PRDM2: variants seen among roughly 807,000 people sequenced by gnomAD.
The protein encoded by PRDM2 is PR/SET domain 2.
PRDM2 carries 30 observed loss-of-function variants against 130.0 expected under a neutral mutation model. The observed-to-expected ratio is 0.23, with a 90% CI of 0.17 to 0.31. The LOEUF (loss-of-function observed/expected upper bound fraction) is 0.31, where lower values mean the gene tolerates loss of function less well. Among genes scored for constraint, PRDM2 ranks in the 10% least tolerant of loss-of-function variants. The pLI is 1.00. For missense variants in PRDM2, 2,011 were observed against 2,108.4 expected (o/e 0.95, Z 0.90); for synonymous variants, 871 against 782.4 (o/e 1.11, Z -1.89).
intron 2 of PRDM2, among the ~76,000 whole-genome samples, chr1:13,726,077 G>C (rs942231836): frequency 2.6e-5 from 4 of 152,202 alleles, no homozygotes; most frequent in Non-Finnish European, 5.9e-5. Context: ...CTGTAACGTG[G>C]AGATCATAGA....
chr1:13,787,412 C>G, intron 8 of PRDM2: 1 of 984,436 alleles, frequency 1.0e-6, no homozygotes, highest in Non-Finnish European at 1.2e-6. Context: ...CATTTTATGC[C>G]TCCCCCTAAA....
At chr1:13,703,607 A>G (rs1642128293) in intron 1 of PRDM2, among the ~76,000 whole-genome samples, 1 of 152,244 alleles carries the variant, frequency 6.6e-6, no homozygotes, top group Non-Finnish European at 1.5e-5. Flanking sequence ...AGGTAAAACA[A>G]TGTGAGGTAT....
chr1:13,707,756 A>C (rs1242540300), intron 1 of PRDM2, among the ~76,000 whole-genome samples: 2 of 152,080 alleles, frequency 1.3e-5, no homozygotes, highest in Non-Finnish European at 1.5e-5. Flanking sequence ...AAGGAAATTA[A>C]CATTTTAATT....
intron 6 of PRDM2, among the ~76,000 whole-genome samples, chr1:13,767,480 T>TA (rs1644255123): frequency 2.0e-5 from 3 of 151,462 alleles, no homozygotes; most frequent in Non-Finnish European, 2.9e-5. Context: ...TTTTTTTTTT[T>TA]TTTTGGTAGA....
chr1:13,736,590 GATTA>G (rs1353914258), intron 4 of PRDM2, among the ~76,000 whole-genome samples: 5 of 104,862 alleles, frequency 4.8e-5, no homozygotes, highest in Middle Eastern at 4.7e-3. Context: ...TGACTTGTCT[GATTA>G]TTTCCTTAAG....
Position 13,780,099 on chromosome 1 carries a change from G to A in PRDM2, c.2304G>A (p.Leu768=). 1 of 1,612,358 alleles carries A rather than the reference G, an allele frequency of 6.2e-7. No individual in the cohort carries two copies. Among genetic ancestry groups the A allele is most frequent in the Non-Finnish European group, 8.5e-7 (1 of 1,178,910 alleles). ...DGKAAWTDAG[L]TSKKSKLESH... ...AAGCAGCATGGACCGATGCCGGGCT[G>A]ACTTCCAAAAAATCCAAATTAGAAA... Residue 768 remains leucine (L), a synonymous_variant, in exon 8 of 10, where the codon CTG becomes CTA. Transcript: ENST00000311066.
At position 13,781,416 on chromosome 1, in the gene PRDM2, G is replaced by C; in HGVS notation, c.3621G>C (p.Gln1207His). 1 of 1,525,970 alleles carries C rather than the reference G, an allele frequency of 6.6e-7. No individual in the cohort carries two copies. 94.5% of individuals were successfully genotyped at this position (1,525,970 alleles called of 1,614,324 possible). ...KKEFAFLCNL[Q>H]QHQRDLHPDK... Reference sequence around the variant, plus strand: ...AATTTGCTTTTTTGTGCAATTTGCAGCAGCACCAGCGAGATCTCCACCCAG... The same window carrying C: ...AATTTGCTTTTTTGTGCAATTTGCACCAGCACCAGCGAGATCTCCACCCAG... Residue 1207 changes from glutamine to histidine, a missense_variant, in exon 8 of 10, where the codon CAG (glutamine) becomes CAC (histidine). Physicochemically the swap from Gln to His is conservative, Grantham distance 24. Transcript: ENST00000311066. The surrounding 1 kb of genome is among the most constrained non-coding windows in gnomAD (Gnocchi z 6.1).
chr1:13,746,468 G>T lies in PRDM2; in HGVS notation c.385-2893G>T, dbSNP rs578138145. ...AATATAAAGTTGCGAAGCATATATC[G>T]CTCCGTAATATAACCATTTCAAGTT... is the stretch of plus-strand genomic sequence containing the variant. On this transcript the variant is annotated intron_variant, in intron 5 of 9. Coordinates refer to ENST00000311066, the MANE Select transcript of PRDM2 (RefSeq NM_001393986.1). 9.2e-4 allele frequency among the ~76,000 whole-genome samples: 139 copies of T among 151,472 alleles called. 1 individual carries two copies. Among genetic ancestry groups the T allele is most frequent in the African/African-American group, 3.3e-3 (135 of 41,384 alleles).
At chr1:13,723,721 A>G (rs557994425) in intron 2 of PRDM2, among the ~76,000 whole-genome samples, 165 of 152,234 alleles carry the variant, frequency 1.1e-3, no homozygotes, top group African/African-American at 3.8e-3. Flanking sequence ...TCTGCTTTCC[A>G]TCGAGGATTC....
At chr1:13,783,239 C>A (rs780829445) in intron 8 of PRDM2, 6 of 488,266 alleles carry the variant, frequency 1.2e-5, no homozygotes, top group Non-Finnish European at 2.4e-5. Context: ...ATTAGTAAAC[C>A]ATGTTACAAT....
chr1:13,770,645 C>A (rs1237258664), intron 6 of PRDM2, among the ~76,000 whole-genome samples: 1 of 152,072 alleles, frequency 6.6e-6, no homozygotes, highest in East Asian at 1.9e-4. Context: ...TTAGATTACA[C>A]CTCTCCATTT....
rs369016972 is a variant in PRDM2 at position 13,818,309 on chromosome 1, A to T, written c.*23+1739A>T. 1.2e-3 allele frequency among the ~76,000 whole-genome samples: 175 copies of T among 151,618 alleles called. 1 individual carries two copies. Among genetic ancestry groups the T allele is most frequent in the African/African-American group, 3.9e-3 (162 of 41,340 alleles). ...CTGAAACTCTGAGGTCTTTTGTATTATGCCAGGAAGAGAAGACCCTTTCTT... is the reference window on the plus strand; with the variant it reads ...CTGAAACTCTGAGGTCTTTTGTATTTTGCCAGGAAGAGAAGACCCTTTCTT... On this transcript the variant is annotated intron_variant, in intron 9 of 9. Coordinates refer to ENST00000311066, the MANE Select transcript of PRDM2 (RefSeq NM_001393986.1).
chr1:13,762,201 A>G (rs779539807), intron 6 of PRDM2, among the ~76,000 whole-genome samples: 1 of 152,246 alleles, frequency 6.6e-6, no homozygotes, highest in South Asian at 2.1e-4. Context: ...CAGTATTACC[A>G]GTATATATCA....
At chr1:13,772,746 T>C (rs1644386040) in intron 6 of PRDM2, among the ~76,000 whole-genome samples, 1 of 152,246 alleles carries the variant, frequency 6.6e-6, no homozygotes. Flanking sequence ...ATGCTATTAC[T>C]AATTTTCCTT....
chr1:13,706,848 A>G (rs6690270), intron 1 of PRDM2, among the ~76,000 whole-genome samples: 68,013 of 151,952 alleles, frequency 0.45, 16,767 homozygotes, highest in African/African-American at 0.66. Flanking sequence ...AATAGTGTAC[A>G]CACTTTGCAA....
intron 6 of PRDM2, among the ~76,000 whole-genome samples, chr1:13,756,439 G>A (rs1166335767): frequency 6.6e-6 from 1 of 152,164 alleles, no homozygotes; most frequent in Non-Finnish European, 1.5e-5. Context: ...TATTTCACAT[G>A]CTGCCAAGTA....
intron 9 of PRDM2, among the ~76,000 whole-genome samples, chr1:13,820,995 T>C (rs1374351098): frequency 3.3e-5 from 5 of 151,712 alleles, no homozygotes. Context: ...GGATGCCTCC[T>C]CTCTTGAAGA....
chr1:13,761,371 GAAA>G (rs1276801758), intron 6 of PRDM2, among the ~76,000 whole-genome samples: 4 of 152,032 alleles, frequency 2.6e-5, no homozygotes, highest in African/African-American at 9.7e-5. Flanking sequence ...GTGAAATCAG[GAAA>G]AAAACAAATG....
intron 3 of PRDM2, among the ~76,000 whole-genome samples, chr1:13,731,798 G>A (rs927741262): frequency 6.6e-6 from 1 of 151,918 alleles, no homozygotes; most frequent in African/African-American, 2.4e-5. Context: ...TTTTTTAGAT[G>A]TACTTCCGAT....
Sources: allele counts gnomAD v4.1 joint callset (sites outside exome capture counted in the v4.1 genomes callset), GRCh38; gene constraint gnomAD v4.1.1; non-coding constraint Gnocchi (gnomAD v3.1); transcripts MANE v1.5; gene names NCBI Gene and HGNC (gene_info 2026-07-23, HGNC 2026-07-21).